The following PDE1C variants were observed in gnomAD, a reference collection of about 807,000 sequenced individuals.
PDE1C encodes dual specificity calcium/calmodulin-dependent 3',5'-cyclic nucleotide phosphodiesterase 1C.
In PDE1C, 62 loss-of-function variants were observed where a neutral mutation model predicts 93.1. The ratio of observed to expected loss-of-function variants is 0.67; its 90% CI spans 0.54 to 0.82. The LOEUF is 0.82. Among genes scored for constraint, PDE1C ranks in the 40% least tolerant of loss-of-function variants. The pLI is 0.00. For missense variants in PDE1C, 742 were observed against 884.6 expected, an observed-to-expected ratio of 0.84 and a Z score of 2.04; for synonymous variants, 325 against 310.1, an observed-to-expected ratio of 1.05 and a Z score of -0.50.
At chr7:32,149,964 C>T (rs962182642) in intron 3 of PDE1C, among the ~76,000 whole-genome samples, 3 of 152,188 alleles carry the variant, frequency 2.0e-5, no homozygotes, top group Non-Finnish European at 4.4e-5. Context: ...AAACGGGCTT[C>T]TACTCTAATC....
intron 1 of PDE1C, among the ~76,000 whole-genome samples, chr7:32,059,849 G>A (rs1009342995): frequency 1.4e-4 from 22 of 152,294 alleles, no homozygotes; most frequent in Admixed American, 1.4e-3. Flanking sequence ...GGAAGCCCAA[G>A]TAGTACGTTT....
intron 1 of PDE1C, among the ~76,000 whole-genome samples, chr7:32,315,291 T>A (rs1425085244): frequency 6.6e-6 from 1 of 151,902 alleles, no homozygotes; most frequent in Non-Finnish European, 1.5e-5. Flanking sequence ...GGGATGTGGC[T>A]TTTTGTTTTG....
chr7:32,374,098 G>GGGATGGAA (rs58332545), intron 1 of PDE1C, among the ~76,000 whole-genome samples: 4 of 8,180 alleles, frequency 4.9e-4, no homozygotes, highest in Non-Finnish European at 1.0e-3. Flanking sequence ...GAGGGAGGGA[G>GGGATGGAA]GGAGGGAAGG....
intron 3 of PDE1C, among the ~76,000 whole-genome samples, chr7:32,131,674 C>T (rs1355606753): frequency 2.0e-5 from 3 of 148,646 alleles, no homozygotes; most frequent in African/African-American, 7.3e-5. Flanking sequence ...GTCTATCTTC[C>T]CTCCTCTTGA....
At chr7:32,033,238 C>T (rs77181344) in intron 2 of PDE1C, among the ~76,000 whole-genome samples, 1 of 152,148 alleles carries the variant, frequency 6.6e-6, no homozygotes, top group East Asian at 1.9e-4. Flanking sequence ...CTTTGTGACT[C>T]ATCCACAGAT....
intron 2 of PDE1C, among the ~76,000 whole-genome samples, chr7:31,940,676 T>C (rs1805703114): frequency 6.9e-6 from 1 of 145,758 alleles, no homozygotes; most frequent in African/African-American, 2.7e-5. Flanking sequence ...AAGCCCCCTG[T>C]GTCTGAACAG....
intron 1 of PDE1C, among the ~76,000 whole-genome samples, chr7:32,411,486 A>T (rs953205857): frequency 5.3e-5 from 8 of 152,248 alleles, no homozygotes; most frequent in African/African-American, 1.9e-4. Context: ...CTTGAAAAAG[A>T]AGAGTACAAA....
At chr7:31,643,940 G>A in the PDE1C span, 1 of 1,610,868 alleles carries the variant, frequency 6.2e-7, no homozygotes. Context: ...ACTACAGTGA[G>A]GGAGCTATGT....
intron 1 of PDE1C, among the ~76,000 whole-genome samples, chr7:32,240,399 G>A (rs1170722025): frequency 2.0e-5 from 3 of 152,162 alleles, no homozygotes; most frequent in East Asian, 3.8e-4. Context: ...CCCAGATTTT[G>A]CAGAGCTTAC....
chr7:31,739,671 G>A, the PDE1C span, among the ~76,000 whole-genome samples: 2 of 152,122 alleles, frequency 1.3e-5, no homozygotes, highest in South Asian at 2.1e-4. Flanking sequence ...CCCAGTGCAC[G>A]AGTGGAGGTC....
intron 2 of PDE1C, among the ~76,000 whole-genome samples, chr7:32,171,827 G>A (rs751219760): frequency 4.1e-5 from 6 of 148,014 alleles, no homozygotes; most frequent in Admixed American, 2.1e-4. Context: ...TAGCATATAA[G>A]GAAAGTCTGA....
At chr7:32,036,904 G>A (rs533141718) in intron 2 of PDE1C, among the ~76,000 whole-genome samples, 34 of 152,284 alleles carry the variant, frequency 2.2e-4, no homozygotes, top group African/African-American at 8.2e-4. Context: ...GAACTTTAGA[G>A]TGGGTGGGGT....
the PDE1C span, among the ~76,000 whole-genome samples, chr7:31,627,566 G>A: frequency 6.8e-6 from 1 of 146,610 alleles, no homozygotes; most frequent in Non-Finnish European, 1.5e-5. Context: ...GCTGAGGCAG[G>A]AGGATTGCTT....
At chr7:32,116,648 A>G (rs1665255522) in intron 3 of PDE1C, among the ~76,000 whole-genome samples, 1 of 152,174 alleles carries the variant, frequency 6.6e-6, no homozygotes, top group Admixed American at 6.5e-5. Context: ...AGCTGTTGGA[A>G]ACCACAGAAG....
At chr7:31,958,580 C>A (rs556669383) in intron 2 of PDE1C, among the ~76,000 whole-genome samples, 3 of 152,120 alleles carry the variant, frequency 2.0e-5, no homozygotes, top group Non-Finnish European at 4.4e-5. Flanking sequence ...CAGTGCCTGT[C>A]GAACAGTAGT....
At chr7:31,895,914 CCT>C (rs1252545311) in intron 2 of PDE1C, among the ~76,000 whole-genome samples, 1 of 151,998 alleles carries the variant, frequency 6.6e-6, no homozygotes, top group African/African-American at 2.4e-5. Flanking sequence ...GTCCATTAAA[CCT>C]CTTTTTCTTT....
chr7:31,994,964 T>C (rs573392736), intron 2 of PDE1C, among the ~76,000 whole-genome samples: 2 of 152,240 alleles, frequency 1.3e-5, no homozygotes, highest in Admixed American at 6.5e-5. Context: ...CTACAACAAC[T>C]TGGGTCCTTA....
chr7:32,418,864 C>T (rs1371239810), intron 1 of PDE1C, among the ~76,000 whole-genome samples: 2 of 152,212 alleles, frequency 1.3e-5, no homozygotes, highest in African/African-American at 4.8e-5. Context: ...ATGAGGTCCA[C>T]CCGACTCCTG....
In PDE1C at chr7:32,090,864, GT is replaced by G. The variant is rs1797432206; in HGVS notation, c.308+78920del. Among the ~76,000 whole-genome samples, 3 of 152,340 alleles carry G rather than the reference GT, an allele frequency of 2.0e-5. No homozygotes were observed. In the South Asian group the frequency reaches 6.2e-4, roughly 32 times the overall value. On this transcript the variant is annotated intron_variant, in intron 3 of 18. Coordinates refer to the PDE1C transcript ENST00000396193. ...CAATGACGTGCAAGCCAGCACATAT[GT>G]GTGCATGCGATGTGTGTGTTAACCT...
Sources: allele counts gnomAD v4.1 joint callset (sites outside exome capture counted in the v4.1 genomes callset), GRCh38; gene constraint gnomAD v4.1.1; transcripts MANE v1.5; gene names NCBI Gene and HGNC (gene_info 2026-07-23, HGNC 2026-07-21).